KRT3: variants seen among roughly 807,000 people sequenced by gnomAD.
KRT3 encodes the protein keratin, type II cytoskeletal 3.
In KRT3, 34 loss-of-function variants were observed where a neutral mutation model predicts 45.8. That is an observed-to-expected ratio of 0.74 (90% CI 0.57 to 0.99). The LOEUF is 0.99. Among genes scored for constraint, KRT3 ranks in the 50% least tolerant of loss-of-function variants. The pLI is 0.00. For missense variants in KRT3, 828 were observed against 820.6 expected, an observed-to-expected ratio of 1.01 and a Z score of -0.11; for synonymous variants, 367 against 329.0, an observed-to-expected ratio of 1.12 and a Z score of -1.25.
At chr12:52,791,575 G>C in intron 6 of KRT3, 116 bp downstream of exon 6, 3 of 1,487,014 alleles carry the variant, frequency 2.0e-6, no homozygotes, top group Non-Finnish European at 2.8e-6. Flanking sequence ...ATACTGCCCT[G>C]TGGGTCAGCC....
Position 52,789,974 on chromosome 12 carries a change from T to C in KRT3, c.*68A>G. The C allele has an allele frequency of 6.8e-7, 1 of 1,464,904 alleles. No homozygotes were observed. The highest frequency in any genetic ancestry group is 1.2e-5 in the South Asian group (1 of 82,698). The allele number at this position is 1,464,904 out of a possible 1,614,324, so 90.7% of individuals were successfully genotyped here. On this transcript the variant is annotated 3_prime_UTR_variant, in exon 9 of 9. Coordinates refer to ENST00000417996, the MANE Select transcript of KRT3 (RefSeq NM_057088.3). Reference sequence around the variant, plus strand: ...GGAGCATGGGGTGGCGCTGGGGGTGTTGCCAATATGGGGGCGTGGGGAGCG... The same window carrying C: ...GGAGCATGGGGTGGCGCTGGGGGTGCTGCCAATATGGGGGCGTGGGGAGCG...
In KRT3 at chr12:52,794,290, C is replaced by G. The variant is rs749273979; in HGVS notation, c.687G>C (p.Lys229Asn). 4 of 1,614,072 alleles carry G rather than the reference C, an allele frequency of 2.5e-6. No individual in the cohort carries two copies. The East Asian group carries it at 6.7e-5, about 27-fold the overall frequency. ...LEQQNKVLET[K>N]WNLLQQQGTS... ...TGCCCTGCTGCTGGAGCAGGTTCCA[C>G]TTGGTCTCCAGGACTTTGTTCTGTT... The change falls in exon 2 of 9, where the codon AAG becomes AAC. Residue 229 changes from lysine (K) to asparagine (N), a missense_variant. Physicochemically the swap from Lys to Asn is moderately conservative, Grantham distance 94 (BLOSUM62 0). Coordinates refer to ENST00000417996, the MANE Select transcript of KRT3 (RefSeq NM_057088.3).
At chr12:52,794,050 G>A (rs1939584430) in intron 2 of KRT3, 61 bp downstream of exon 2, 1 of 1,327,996 alleles carries the variant, frequency 7.5e-7, no homozygotes, top group Admixed American at 1.7e-5. Flanking sequence ...CATGTAGAAG[G>A]GGCCAAGACT....
rs1232654730 is a variant in KRT3, at chr12:52,791,756, C to T, written c.1249G>A (p.Glu417Lys). Residue 417 changes from glutamate to lysine, a missense_variant, in exon 6 of 9, where the codon GAG becomes AAG. Physicochemically the swap from Glu to Lys is moderately conservative, Grantham distance 56 (BLOSUM62 1). Transcript: ENST00000417996. ...ATCATTCTGTTGAGCTCTATGATCT[C>T]GCTCTTGGTATTTCTTAGGTCATCC... ...HGDDLRNTKS[E>K]IIELNRMIQR... is the part of the protein sequence containing the mutation. 7 of 1,614,102 alleles carry T rather than the reference C, an allele frequency of 4.3e-6. No homozygotes were observed. Among genetic ancestry groups the T allele is most frequent in the South Asian group, 3.3e-5 (3 of 91,078 alleles).
chr12:52,789,759 A>G lies in KRT3; in HGVS notation c.*283T>C. ...TGTGTGCTATATACATCAGAGCTGTAGTGAGCATCCCACCCAGGGAGGGGA... is the reference window on the plus strand; with the variant it reads ...TGTGTGCTATATACATCAGAGCTGTGGTGAGCATCCCACCCAGGGAGGGGA... On this transcript the variant is annotated 3_prime_UTR_variant, in exon 9 of 9. Coordinates refer to ENST00000417996, the MANE Select transcript of KRT3 (RefSeq NM_057088.3). The G allele has an allele frequency of 1.7e-6, 1 of 592,870 alleles. No individual in the cohort carries two copies. The highest frequency in any genetic ancestry group is 3.0e-6 in the Non-Finnish European group (1 of 333,374). 36.7% of individuals were successfully genotyped at this position (592,870 alleles called of 1,614,324 possible). A position where few individuals can be genotyped will look rare whatever the true frequency, so the allele number is the denominator to read the frequency against.
At chr12:52,791,493 G>T in intron 6 of KRT3, 67 bp from the exon 7 acceptor site, 1 of 1,527,164 alleles carries the variant, frequency 6.5e-7, no homozygotes, top group East Asian at 2.3e-5. Flanking sequence ...GACATGCAAT[G>T]GATTATCCCA....
Position 52,792,325 on chromosome 12 carries a change from C to A in KRT3, c.1102G>T (p.Asp368Tyr), listed in dbSNP as rs200059777. The A allele has an allele frequency of 1.0e-4, 161 of 1,614,026 alleles. No individual in the cohort carries two copies. The Admixed American group carries it at 1.1e-3, about 11-fold the overall frequency. The part of the protein sequence containing the change: ...SMDNNRSLDL[D>Y]SIIAEVRAQY... The stretch of plus-strand genomic sequence containing the variant: ...GCACGAACTTCAGCAATGATGCTGT[C>A]CAGGTCCAGGGAGCGATTATTGTCC... Residue 368 changes from aspartate to tyrosine, a missense_variant, in exon 5 of 9, where the codon GAC becomes TAC. Transcript: ENST00000417996.
In KRT3 at chr12:52,792,760, A is replaced by G. The variant is rs1034157460; in HGVS notation, c.974T>C (p.Val325Ala). The G allele has an allele frequency of 8.7e-6, 14 of 1,613,950 alleles. No homozygotes were observed. The African/African-American group carries it at 1.7e-4, about 20-fold the overall frequency. ...GTCGATCTCATCTATCAAGGCATCC[A>G]CTTTGGCCTGAAGCTCCACCTTGTT... ...YMNKVELQAK[V>A]DALIDEIDFL... is the part of the protein sequence containing the mutation. Residue 325 changes from valine (V) to alanine (A), a missense_variant, in exon 4 of 9, where the codon GTG becomes GCG. By Grantham distance (64) the Val-to-Ala change is moderately conservative. Transcript: ENST00000417996.
rs1190336951 is a variant in KRT3, at chr12:52,792,720, G to C, written c.1014C>G (p.Leu338=). The change falls in exon 4 of 9, where the codon CTC becomes CTG. Residue 338 remains leucine, a synonymous_variant. Transcript: ENST00000417996. The part of the protein sequence containing the change: ...LIDEIDFLRT[L]YDAELSQMQS... The stretch of plus-strand genomic sequence containing the variant: ...TAGGTAACATCCTTACAGCGTCGTA[G>C]AGGGTCCTTAAGAAGTCGATCTCAT... 6.2e-7 allele frequency: 1 copy of C among 1,608,768 alleles called. No homozygotes were observed. The highest frequency in any genetic ancestry group is 8.5e-7 in the Non-Finnish European group (1 of 1,175,264).
Position 52,794,279 on chromosome 12 carries a change from A to T in KRT3, c.698T>A (p.Leu233His). 6.2e-7 allele frequency: 1 copy of T among 1,614,148 alleles called. No homozygotes were observed. Among genetic ancestry groups the T allele is most frequent in the Non-Finnish European group, 8.5e-7 (1 of 1,180,028 alleles). Residue 233 changes from leucine (L) to histidine (H), a missense_variant, in exon 2 of 9, where the codon CTC becomes CAC. By Grantham distance (99) the Leu-to-His change is moderately conservative. Coordinates refer to ENST00000417996, the MANE Select transcript of KRT3 (RefSeq NM_057088.3). ...GATGGAACTTGTGCCCTGCTGCTGG[A>T]GCAGGTTCCACTTGGTCTCCAGGAC... ...NKVLETKWNL[L>H]QQQGTSSISG... is the part of the protein sequence containing the mutation.
Position 52,794,139 on chromosome 12 carries a change from C to T in KRT3, c.838G>A (p.Glu280Lys), listed in dbSNP as rs1351756254. The change falls in exon 2 of 9, where the codon GAG becomes AAG. Residue 280 changes from glutamate to lysine, a missense_variant. Transcript: ENST00000417996. ...TTCTTGAAGTCTTCCACCAGGTCCT[C>T]CATGTTCTTCAGCTCAGAGTCCAGG... The part of the protein sequence containing the change: ...GRLDSELKNM[E>K]DLVEDFKKKY... The T allele has an allele frequency of 6.2e-7, 1 of 1,614,188 alleles. No homozygotes were observed. Among genetic ancestry groups the T allele is most frequent in the Non-Finnish European group, 8.5e-7 (1 of 1,180,006 alleles).
In KRT3 at chr12:52,795,448, G is replaced by T. The variant is rs138693059; in HGVS notation, c.595C>A (p.Arg199=). The change falls in exon 1 of 9, where the codon CGG becomes AGG. Residue 199 remains arginine (R), a synonymous_variant. Coordinates refer to ENST00000417996, the MANE Select transcript of KRT3 (RefSeq NM_057088.3). ...PQIGQVKAQE[R]EQIKTLNNKF... ...TTGTTGAGGGTCTTGATCTGTTCCC[G>T]CTCCTGGGCCTTTACTTGCCCAATC... 1.2e-6 allele frequency: 2 copies of T among 1,613,994 alleles called. No homozygotes were observed. The highest frequency in any genetic ancestry group is 1.1e-5 in the South Asian group (1 of 91,086).
rs199929228 is a variant in KRT3 at position 52,794,328 on chromosome 12, G to A, written c.649C>T (p.Arg217Trp). The A allele has an allele frequency of 4.8e-5, 77 of 1,612,744 alleles. No individual in the cohort carries two copies. Among genetic ancestry groups the A allele is most frequent in the Admixed American group, 4.7e-4 (28 of 60,012 alleles). Residue 217 changes from arginine to tryptophan, a missense_variant, in exon 2 of 9, where the codon CGG becomes TGG. Arg to Trp is a moderately radical substitution (Grantham distance 101, BLOSUM62 -3). Coordinates refer to ENST00000417996, the MANE Select transcript of KRT3 (RefSeq NM_057088.3). ...ACTTTGTTCTGTTGCTCCAGGAACC[G>A]CACCTGCAATGGTTGCAGGAAGCAA... is the stretch of plus-strand genomic sequence containing the variant. ...NKFASFIDKVRFLEQQNKVLE... is the reference protein window; with the variant it reads ...NKFASFIDKVWFLEQQNKVLE...
intron 2 of KRT3, among the ~76,000 whole-genome samples, chr12:52,793,716 C>A (rs1204604274): frequency 1.3e-5 from 2 of 152,118 alleles, no homozygotes. Flanking sequence ...CTCAGCCACC[C>A]GACTATCTTG....
At chr12:52,793,998 G>A in intron 2 of KRT3, 113 bp downstream of exon 2, 2 of 752,510 alleles carry the variant, frequency 2.7e-6, no homozygotes, top group East Asian at 2.5e-5. Context: ...GGTAAGGAGA[G>A]GGAAATGGGC....
In KRT3 at chr12:52,795,998, AC is replaced by A; in HGVS notation, c.44del (p.Gly15ValfsTer15). On this transcript the variant is annotated frameshift_variant, in exon 1 of 9. Coordinates refer to ENST00000417996, the MANE Select transcript of KRT3 (RefSeq NM_057088.3). LOFTEE classifies it high-confidence loss of function. ...ASKTSGGGSQGFSGRSAVVSG... is the reference protein window; with the variant it reads ...ASKTSGGGSQXFSGRSAVVSG... The stretch of plus-strand genomic sequence containing the variant: ...AGACCACAGCAGAGCGGCCGGAGAA[AC>A]CCTGGCTCCCGCCACCAGATGTCTT... 3 of 1,613,808 alleles carry A rather than the reference AC, an allele frequency of 1.9e-6. No individual in the cohort carries two copies. The highest frequency in any genetic ancestry group is 2.5e-6 in the Non-Finnish European group (3 of 1,179,924).
At position 52,790,281 on chromosome 12, in the gene KRT3, A is replaced by C. The variant is rs1194862360; in HGVS notation, c.1648T>G (p.Leu550Val). Residue 550 changes from leucine to valine, a missense_variant, in exon 9 of 9, where the codon TTA becomes GTA. Physicochemically the swap from Leu to Val is conservative, Grantham distance 32 (BLOSUM62 1). Transcript: ENST00000417996. ...GGYGGGMGGG[L>V]GGGFSAGGGS... is the part of the protein sequence containing the mutation. Reference sequence around the variant, plus strand: ...CCGCCCGCACTGAAGCCACCTCCTAAACCACCGCCCATGCCTCCGCCGTAA... The same window carrying C: ...CCGCCCGCACTGAAGCCACCTCCTACACCACCGCCCATGCCTCCGCCGTAA... 1 of 1,555,154 alleles carries C rather than the reference A, an allele frequency of 6.4e-7. No individual in the cohort carries two copies. The highest frequency in any genetic ancestry group is 1.4e-5 in the African/African-American group (1 of 73,068).
Position 52,795,617 on chromosome 12 carries a change from G to T in KRT3, c.426C>A (p.Gly142=). The part of the protein sequence containing the change: ...GGAGGFGGPG[G]FGGSGGFGGP... ...CACCAAAGCCACCAGACCCACCAAA[G>T]CCACCAGGACCACCAAAGCCACCAG... The change falls in exon 1 of 9, where the codon GGC becomes GGA. Residue 142 remains glycine, a synonymous_variant. Coordinates refer to ENST00000417996, the MANE Select transcript of KRT3 (RefSeq NM_057088.3). 1 of 1,590,468 alleles carries T rather than the reference G, an allele frequency of 6.3e-7. No homozygotes were observed. The highest frequency in any genetic ancestry group is 8.6e-7 in the Non-Finnish European group (1 of 1,168,958).
rs776883053 is a variant in KRT3 at position 52,792,394 on chromosome 12, G to A, written c.1033C>T (p.Gln345Ter). 1.9e-6 allele frequency: 3 copies of A among 1,613,950 alleles called. No individual in the cohort carries two copies. The highest frequency in any genetic ancestry group is 2.5e-6 in the Non-Finnish European group (3 of 1,180,032). Residue 345 changes from glutamine to a stop codon, truncating the protein, a stop_gained, in exon 5 of 9, where the codon CAG (glutamine) becomes TAG (stop). Coordinates refer to ENST00000417996, the MANE Select transcript of KRT3 (RefSeq NM_057088.3). LOFTEE classifies it high-confidence loss of function. The stretch of plus-strand genomic sequence containing the variant: ...GTGTCACTGATGTGGCTCTGCATCT[G>A]AGATAGCTCCTGTCAACACAGAGGG... ...LRTLYDAELS[Q>*]MQSHISDTSV...
Sources: gnomAD v4.1 joint callset for allele counts (sites outside exome capture counted in the v4.1 genomes callset) on GRCh38, gnomAD v4.1.1 for gene constraint, MANE v1.5 for transcripts, NCBI Gene and HGNC (gene_info 2026-07-23, HGNC 2026-07-21) for gene names.